The following NSL1 variants were observed in gnomAD, a reference collection of about 807,000 sequenced individuals.
NSL1 encodes the protein kinetochore-associated protein NSL1 homolog.
In NSL1, 11 loss-of-function variants were observed where a neutral mutation model predicts 25.4. The observed-to-expected ratio is 0.43, with a 90% confidence interval of 0.27 to 0.72. The LOEUF (loss-of-function observed/expected upper bound fraction) is 0.72, where lower values mean the gene tolerates loss of function less well. Ranked by LOEUF, NSL1 falls within the 30% of genes least tolerant of loss-of-function variation. The probability of loss-of-function intolerance (pLI) is 0.19; values close to 1 mark genes in which losing one functional copy is unlikely to be tolerated. For missense variants in NSL1, 330 were observed against 342.7 expected, an observed-to-expected ratio of 0.96 and a Z score of 0.29; for synonymous variants, 118 against 120.6, an observed-to-expected ratio of 0.98 and a Z score of 0.14.
At chr1:212,750,370 A>ATTTC (rs1659012549) in intron 4 of NSL1, among the ~76,000 whole-genome samples, 1 of 152,050 alleles carries the variant, frequency 6.6e-6, no homozygotes, top group Non-Finnish European at 1.5e-5. Flanking sequence ...ATAAATCAAG[A>ATTTC]AAGAGTAGAA....
chr1:212,747,595 A>AT (rs1235149650), intron 4 of NSL1, among the ~76,000 whole-genome samples: 2 of 152,252 alleles, frequency 1.3e-5, no homozygotes, highest in Non-Finnish European at 2.9e-5. Flanking sequence ...TATCAGATTA[A>AT]TGACCCTCAG....
intron 4 of NSL1, among the ~76,000 whole-genome samples, chr1:212,753,776 A>T (rs1393951423): frequency 6.6e-6 from 1 of 152,242 alleles, no homozygotes; most frequent in African/African-American, 2.4e-5. Flanking sequence ...GTTTTGTGAG[A>T]GAGCATAAAC....
intron 4 of NSL1, among the ~76,000 whole-genome samples, chr1:212,753,853 A>C (rs1289937760): frequency 6.6e-6 from 1 of 152,238 alleles, no homozygotes; most frequent in Non-Finnish European, 1.5e-5. Flanking sequence ...AGGTGTCATG[A>C]TAAACAACTG....
chr1:212,757,617 G>A (rs1659377507), intron 4 of NSL1, among the ~76,000 whole-genome samples: 1 of 152,114 alleles, frequency 6.6e-6, no homozygotes, highest in Non-Finnish European at 1.5e-5. Flanking sequence ...GCAAGGATGT[G>A]GATGTGGGGA....
rs1418412325 is a variant in NSL1 at position 212,734,911 on chromosome 1, G to C, written c.*3497C>G. Reference sequence around the variant, plus strand: ...CCTGAAGGCAACACTTGTCCTGAGTGTTTTCATTTCCTTTATCAAAAGAAG... The same window carrying C: ...CCTGAAGGCAACACTTGTCCTGAGTCTTTTCATTTCCTTTATCAAAAGAAG... On this transcript the variant is annotated 3_prime_UTR_variant, in exon 6 of 6. Transcript: ENST00000366977. 6.6e-6 allele frequency among the ~76,000 whole-genome samples: 1 copy of C among 152,170 alleles called. No individual in the cohort carries two copies. Among genetic ancestry groups the C allele is most frequent in the Non-Finnish European group, 1.5e-5 (1 of 68,038 alleles).
chr1:212,761,548 A>G (rs1659565476), intron 4 of NSL1, among the ~76,000 whole-genome samples: 1 of 152,120 alleles, frequency 6.6e-6, no homozygotes, highest in Non-Finnish European at 1.5e-5. Context: ...CGGAGGTGGA[A>G]GAATTGCTTG....
chr1:212,756,878 A>G (rs1659337561), intron 4 of NSL1, among the ~76,000 whole-genome samples: 1 of 152,220 alleles, frequency 6.6e-6, no homozygotes, highest in Admixed American at 6.5e-5. Flanking sequence ...GTTCTTGCTC[A>G]CAGGGAGCTT....
At chr1:212,765,231 T>G (rs948023966) in intron 4 of NSL1, among the ~76,000 whole-genome samples, 1 of 152,098 alleles carries the variant, frequency 6.6e-6, no homozygotes, top group Non-Finnish European at 1.5e-5. Flanking sequence ...CCCTAAATCA[T>G]TCCATGAGGC....
intron 4 of NSL1, among the ~76,000 whole-genome samples, chr1:212,781,501 A>G (rs1464003259): frequency 6.6e-6 from 1 of 151,882 alleles, no homozygotes; most frequent in Non-Finnish European, 1.5e-5. Flanking sequence ...AAGTGATGTG[A>G]TTTTAGTCAA....
chr1:212,773,531 A>G (rs1255014871), intron 4 of NSL1, among the ~76,000 whole-genome samples: 3 of 152,244 alleles, frequency 2.0e-5, no homozygotes, highest in Admixed American at 6.5e-5. Flanking sequence ...AAGATAAAAA[A>G]TAACAAATGC....
intron 3 of NSL1, among the ~76,000 whole-genome samples, 155 bp from the exon 4 acceptor site, chr1:212,782,581 G>C (rs1014082404): frequency 2.3e-4 from 35 of 152,014 alleles, no homozygotes; most frequent in African/African-American, 7.5e-4. Flanking sequence ...GAGGTGAGAA[G>C]GTAAAACCAA....
chr1:212,759,058 G>GA (rs983794997), intron 4 of NSL1, among the ~76,000 whole-genome samples: 1 of 152,020 alleles, frequency 6.6e-6, no homozygotes, highest in Admixed American at 6.6e-5. Flanking sequence ...AAAACAACTG[G>GA]ATATATACAT....
intron 4 of NSL1, among the ~76,000 whole-genome samples, chr1:212,768,880 A>T (rs930013304): frequency 2.6e-5 from 4 of 152,274 alleles, no homozygotes; most frequent in East Asian, 1.9e-4. Flanking sequence ...AATAAAATTT[A>T]AAAAATATAC....
At chr1:212,781,121 T>C (rs1660715027) in intron 4 of NSL1, among the ~76,000 whole-genome samples, 1 of 152,206 alleles carries the variant, frequency 6.6e-6, no homozygotes, top group Non-Finnish European at 1.5e-5. Context: ...ACTCAAAATT[T>C]ATCCAAAAGA....
intron 4 of NSL1, among the ~76,000 whole-genome samples, chr1:212,781,249 A>AATCACATTT (rs879307031): frequency 6.6e-6 from 1 of 152,208 alleles, no homozygotes; most frequent in Admixed American, 6.5e-5. Context: ...AGGGTCATTA[A>AATCACATTT]CTAAGTGTGT....
chr1:212,736,340 G>T lies in NSL1; in HGVS notation c.*2068C>A. 1 of 985,118 alleles carries T rather than the reference G, an allele frequency of 1.0e-6. No homozygotes were observed. The highest frequency in any genetic ancestry group is 4.7e-5 in the South Asian group (1 of 21,284). The allele number at this position is 985,118 out of a possible 1,614,324, so 61.0% of individuals were successfully genotyped here. A position where few individuals can be genotyped will look rare whatever the true frequency, so the allele number is the denominator to read the frequency against. On this transcript the variant is annotated 3_prime_UTR_variant, in exon 6 of 6. Coordinates refer to ENST00000366977, the MANE Select transcript of NSL1 (RefSeq NM_015471.4). The stretch of plus-strand genomic sequence containing the variant: ...GCGCCTGGCTATTTCTTTTCTGAAA[G>T]ATAATTTTAAGACCCTATTCAATCC...
At chr1:212,773,290 G>A (rs962959944) in intron 4 of NSL1, among the ~76,000 whole-genome samples, 1 of 152,022 alleles carries the variant, frequency 6.6e-6, no homozygotes, top group Non-Finnish European at 1.5e-5. Context: ...TCATCCAATG[G>A]GGGACTAGTA....
At chr1:212,783,679 G>A (rs1660819129) in intron 3 of NSL1, among the ~76,000 whole-genome samples, 1 of 152,194 alleles carries the variant, frequency 6.6e-6, no homozygotes, top group Non-Finnish European at 1.5e-5. Flanking sequence ...ACCAAGGGAA[G>A]ATTTGGGTCC....
intron 4 of NSL1, among the ~76,000 whole-genome samples, chr1:212,754,785 A>AAAAAAAAAAAAAAAAAAAAC (rs1553252344): frequency 6.7e-6 from 1 of 149,500 alleles, no homozygotes; most frequent in African/African-American, 2.5e-5. Flanking sequence ...AAAAAAAAAA[A>AAAAAAAAAAAAAAAAAAAAC]CCAACTCAAA....
Sources: gnomAD v4.1 joint callset for allele counts (sites outside exome capture counted in the v4.1 genomes callset) on GRCh38, gnomAD v4.1.1 for gene constraint, MANE v1.5 for transcripts, NCBI Gene and HGNC (gene_info 2026-07-23, HGNC 2026-07-21) for gene names.